The following MCUB variants were observed in gnomAD, a reference collection of about 807,000 sequenced individuals.
The protein encoded by MCUB is calcium uniporter regulatory subunit MCUb, mitochondrial.
MCUB carries 46 observed loss-of-function variants against 41.4 expected under a neutral mutation model. The ratio of observed to expected loss-of-function variants is 1.11; its 90% confidence interval spans 0.88 to 1.42. MCUB has a LOEUF of 1.42. Among genes scored for constraint, MCUB ranks in the 40% most tolerant of loss-of-function variants. MCUB has a pLI of 0.00. For synonymous variants in MCUB, 148 were observed against 148.2 expected, an observed-to-expected ratio of 1.00 and a Z score of 0.01; for missense variants, 403 against 404.9, an observed-to-expected ratio of 1.00 and a Z score of 0.04.
At chr4:109,611,358 A>T (rs1458503944) in intron 1 of MCUB, among the ~76,000 whole-genome samples, 2 of 152,244 alleles carry the variant, frequency 1.3e-5, no homozygotes, top group African/African-American at 4.8e-5. Context: ...TAGAGCAGTT[A>T]AGTAGACAAA....
At chr4:109,602,096 C>T (rs1289596576) in intron 1 of MCUB, among the ~76,000 whole-genome samples, 1 of 152,066 alleles carries the variant, frequency 6.6e-6, no homozygotes, top group Non-Finnish European at 1.5e-5. Context: ...TGTTTGAGTC[C>T]TTAATATATT....
chr4:109,638,015 A>C (rs1728633095), intron 1 of MCUB, among the ~76,000 whole-genome samples: 1 of 152,214 alleles, frequency 6.6e-6, no homozygotes, highest in African/African-American at 2.4e-5. Context: ...AAAATGAGTC[A>C]CAACATTTTT....
intron 1 of MCUB, among the ~76,000 whole-genome samples, chr4:109,622,687 C>T (rs1017462788): frequency 1.3e-5 from 2 of 152,166 alleles, no homozygotes; most frequent in East Asian, 3.9e-4. Context: ...ATGGGTGTGC[C>T]CACAGCACCC....
intron 1 of MCUB, among the ~76,000 whole-genome samples, chr4:109,595,257 T>C (rs1434159468): frequency 2.0e-4 from 31 of 152,206 alleles, no homozygotes; most frequent in Non-Finnish European, 3.7e-4. Flanking sequence ...CATACATGTT[T>C]GCAGAAAGAA....
At chr4:109,664,243 A>T (rs1211968757) in intron 3 of MCUB, 47 bp from the exon 4 acceptor site, 3 of 903,380 alleles carry the variant, frequency 3.3e-6, no homozygotes, top group Admixed American at 1.8e-5. Context: ...AATGGTTCTT[A>T]CTGTTCTAAA....
chr4:109,568,235 T>C (rs370059774), intron 1 of MCUB, among the ~76,000 whole-genome samples: 2 of 152,268 alleles, frequency 1.3e-5, no homozygotes, highest in African/African-American at 4.8e-5. Context: ...ATAAACCGGT[T>C]TTCACTTTTC....
At chr4:109,646,006 C>T (rs996557197) in intron 1 of MCUB, among the ~76,000 whole-genome samples, 2 of 152,180 alleles carry the variant, frequency 1.3e-5, no homozygotes, top group East Asian at 3.9e-4. Context: ...AGTCGCAAAC[C>T]CTCCAGTAAC....
chr4:109,680,514 T>G (rs1729691867), intron 4 of MCUB, among the ~76,000 whole-genome samples: 1 of 145,744 alleles, frequency 6.9e-6, no homozygotes, highest in Non-Finnish European at 1.5e-5. Flanking sequence ...TTTGCCTATC[T>G]TCCATCTATG....
intron 1 of MCUB, among the ~76,000 whole-genome samples, chr4:109,645,191 A>ACCTT (rs1728807014): frequency 6.6e-6 from 1 of 152,142 alleles, no homozygotes; most frequent in Admixed American, 6.5e-5. Context: ...AATCATTAGA[A>ACCTT]CTAGAAGGCT....
At chr4:109,673,935 C>T in intron 4 of MCUB, 2 of 786,996 alleles carry the variant, frequency 2.5e-6, no homozygotes, top group South Asian at 1.3e-5. Context: ...CATTCGTACC[C>T]ATTGGAATAG....
chr4:109,579,310 C>G (rs896391042), intron 1 of MCUB, among the ~76,000 whole-genome samples: 13 of 151,198 alleles, frequency 8.6e-5, no homozygotes, highest in Non-Finnish European at 1.5e-4. Flanking sequence ...AGTGCAGTGG[C>G]GTGATCTCAG....
Position 109,623,666 on chromosome 4 carries a change from T to A in MCUB, c.100-35345T>A, listed in dbSNP as rs144241209. 5.3e-5 allele frequency among the ~76,000 whole-genome samples: 8 copies of A among 152,298 alleles called. No individual in the cohort carries two copies. In the East Asian group the frequency reaches 5.8e-4, roughly 11 times the overall value. ...GTTGCAGGGTTCAAATTAAAGCTTT[T>A]CCTAATTTACAACTCAGGGAACCCA... On this transcript the variant is annotated intron_variant, in intron 1 of 7. Transcript: ENST00000394650.
intron 1 of MCUB, among the ~76,000 whole-genome samples, chr4:109,634,884 ATGG>A (rs1243516803): frequency 1.3e-5 from 2 of 152,148 alleles, no homozygotes; most frequent in African/African-American, 4.8e-5. Flanking sequence ...TACACGTGCC[ATGG>A]TGGTTTGCTG....
intron 1 of MCUB, among the ~76,000 whole-genome samples, chr4:109,595,147 A>C (rs926025638): frequency 4.6e-5 from 7 of 151,982 alleles, no homozygotes; most frequent in Non-Finnish European, 1.0e-4. Context: ...ATATGTGGTC[A>C]TGAATATAAA....
intron 1 of MCUB, among the ~76,000 whole-genome samples, chr4:109,631,161 T>C (rs978569552): frequency 3.9e-5 from 6 of 152,242 alleles, no homozygotes; most frequent in Admixed American, 1.3e-4. Context: ...CAAGTTATTA[T>C]ATAAATAATT....
chr4:109,675,017 CTT>C (rs746398781), intron 4 of MCUB, among the ~76,000 whole-genome samples: 6 of 152,092 alleles, frequency 3.9e-5, no homozygotes, highest in Non-Finnish European at 8.8e-5. Flanking sequence ...GTGAAATTCT[CTT>C]GTCTCATCTG....
chr4:109,649,572 C>G (rs1309759005), intron 1 of MCUB, among the ~76,000 whole-genome samples: 1 of 152,072 alleles, frequency 6.6e-6, no homozygotes, highest in Non-Finnish European at 1.5e-5. Flanking sequence ...ACTCCTTTGC[C>G]TCTGCCGTCT....
At chr4:109,591,192 T>C (rs1450409166) in intron 1 of MCUB, among the ~76,000 whole-genome samples, 1 of 152,002 alleles carries the variant, frequency 6.6e-6, no homozygotes, top group Non-Finnish European at 1.5e-5. Flanking sequence ...ATTCTTTTTT[T>C]TTTTTTTTCC....
At chr4:109,610,410 A>G (rs1320540622) in intron 1 of MCUB, among the ~76,000 whole-genome samples, 2 of 152,090 alleles carry the variant, frequency 1.3e-5, no homozygotes, top group African/African-American at 4.8e-5. Flanking sequence ...CTCTCCTATT[A>G]TATCTTTTAA....
Sources: allele counts gnomAD v4.1 joint callset (sites outside exome capture counted in the v4.1 genomes callset), GRCh38; gene constraint gnomAD v4.1.1; transcripts MANE v1.5; gene names NCBI Gene and HGNC (gene_info 2026-07-23, HGNC 2026-07-21).